POU6F2: variants seen among roughly 807,000 people sequenced by gnomAD.
The protein encoded by POU6F2 is POU domain, class 6, transcription factor 2.
Under a neutral mutation model 71.3 loss-of-function variants are expected in POU6F2, and 31 were observed. That is an observed-to-expected ratio of 0.43 (90% confidence interval 0.33 to 0.59). The LOEUF is 0.59. Ranked by LOEUF, POU6F2 falls within the 20% of genes least tolerant of loss-of-function variation. The pLI, the probability that POU6F2 is intolerant of heterozygous loss-of-function variation, is 0.04. For missense variants in POU6F2, 783 were observed against 856.8 expected (o/e 0.91, Z 1.07); for synonymous variants, 347 against 355.7 (o/e 0.98, Z 0.27).
intron 4 of POU6F2, among the ~76,000 whole-genome samples, chr7:39,235,985 C>T (rs1048558530): frequency 6.6e-6 from 1 of 152,180 alleles, no homozygotes; most frequent in African/African-American, 2.4e-5. Context: ...GATTACTGAA[C>T]AGGTGCGTCT....
intron 2 of POU6F2, among the ~76,000 whole-genome samples, chr7:39,113,222 C>T (rs1210569690): frequency 1.3e-5 from 2 of 151,974 alleles, no homozygotes; most frequent in African/African-American, 4.8e-5. Flanking sequence ...CTGTTTTTTT[C>T]GTTCTGTTTT....
intron 4 of POU6F2, among the ~76,000 whole-genome samples, chr7:39,296,622 T>G (rs1784849471): frequency 6.6e-6 from 1 of 152,202 alleles, no homozygotes; most frequent in South Asian, 2.1e-4. Context: ...GCTGGTGGTG[T>G]TCCCTCTGCC....
chr7:39,115,965 T>A (rs968595812), intron 2 of POU6F2, among the ~76,000 whole-genome samples: 25 of 152,212 alleles, frequency 1.6e-4, no homozygotes, highest in African/African-American at 5.8e-4. Context: ...AGTAAGAGAT[T>A]GTTCAGAGGT....
chr7:39,234,572 A>G (rs1223277861), intron 4 of POU6F2, among the ~76,000 whole-genome samples: 1 of 152,116 alleles, frequency 6.6e-6, no homozygotes, highest in Admixed American at 6.5e-5. Context: ...AAGGAACAAG[A>G]TCACAGTGTG....
chr7:39,024,620 C>G (rs1789758527), intron 1 of POU6F2, among the ~76,000 whole-genome samples: 1 of 152,062 alleles, frequency 6.6e-6, no homozygotes, highest in Non-Finnish European at 1.5e-5. Flanking sequence ...TTTGCCCATT[C>G]AGTATGATAT....
intron 1 of POU6F2, among the ~76,000 whole-genome samples, chr7:39,039,437 G>A (rs537828093): frequency 1.3e-5 from 2 of 152,002 alleles, no homozygotes; most frequent in South Asian, 2.1e-4. Flanking sequence ...GTACAGGTGA[G>A]CTCCTTTATG....
intron 2 of POU6F2, among the ~76,000 whole-genome samples, chr7:39,183,975 C>T (rs1275912749): frequency 1.3e-5 from 2 of 152,122 alleles, no homozygotes; most frequent in Non-Finnish European, 2.9e-5. Context: ...TCCAACATTC[C>T]AACCACCTGA....
chr7:39,170,090 C>T (rs1281704254), intron 2 of POU6F2, among the ~76,000 whole-genome samples: 3 of 152,074 alleles, frequency 2.0e-5, no homozygotes, highest in Non-Finnish European at 4.4e-5. Flanking sequence ...ATCGCTTGAA[C>T]CTGGGAGGTG....
chr7:39,367,785 T>A (rs1786533326), intron 5 of POU6F2, among the ~76,000 whole-genome samples: 1 of 152,234 alleles, frequency 6.6e-6, no homozygotes, highest in Non-Finnish European at 1.5e-5. Flanking sequence ...TCACTTTGTG[T>A]CTCTGTGTCA....
chr7:39,139,562 AC>A (rs1215133313), intron 2 of POU6F2, among the ~76,000 whole-genome samples: 1 of 151,924 alleles, frequency 6.6e-6, no homozygotes, highest in East Asian at 1.9e-4. Flanking sequence ...CAATCCTAAT[AC>A]TCTGGATGCT....
chr7:39,409,917 A>G (rs1787518027), intron 6 of POU6F2, among the ~76,000 whole-genome samples: 1 of 152,220 alleles, frequency 6.6e-6, no homozygotes. Context: ...ACCAGTAGTT[A>G]TTTTGAGCAA....
At chr7:39,386,189 G>T (rs1786940035) in intron 5 of POU6F2, among the ~76,000 whole-genome samples, 1 of 151,678 alleles carries the variant, frequency 6.6e-6, no homozygotes, top group Non-Finnish European at 1.5e-5. Context: ...CTTCCCCGTG[G>T]GGCTGCCAGA....
At chr7:39,209,506 C>T (rs1794096258) in intron 4 of POU6F2, among the ~76,000 whole-genome samples, 1 of 152,140 alleles carries the variant, frequency 6.6e-6, no homozygotes, top group Non-Finnish European at 1.5e-5. Context: ...AATAAATCAC[C>T]TCCCAGTTGC....
intron 4 of POU6F2, among the ~76,000 whole-genome samples, chr7:39,221,415 G>A (rs995525006): frequency 9.0e-6 from 1 of 111,642 alleles, no homozygotes; most frequent in Non-Finnish European, 1.7e-5. Context: ...TTTTGAGACA[G>A]TGTCTCGCTC....
At chr7:39,232,706 T>A (rs924859288) in intron 4 of POU6F2, among the ~76,000 whole-genome samples, 3 of 152,242 alleles carry the variant, frequency 2.0e-5, no homozygotes, top group Admixed American at 2.0e-4. Flanking sequence ...ACTCAACATA[T>A]CAAGCAAATA....
chr7:39,301,161 C>T (rs1157231618), intron 4 of POU6F2, among the ~76,000 whole-genome samples: 1 of 152,130 alleles, frequency 6.6e-6, no homozygotes, highest in Non-Finnish European at 1.5e-5. Flanking sequence ...CTTTTCTTTG[C>T]TATCCTGTAA....
intron 4 of POU6F2, among the ~76,000 whole-genome samples, chr7:39,245,034 T>C (rs1443550432): frequency 6.6e-6 from 1 of 152,228 alleles, no homozygotes; most frequent in African/African-American, 2.4e-5. Context: ...CCAAAGTCTA[T>C]AACCTTATAG....
intron 4 of POU6F2, among the ~76,000 whole-genome samples, chr7:39,286,472 A>C (rs1180511208): frequency 6.6e-6 from 1 of 152,204 alleles, no homozygotes; most frequent in African/African-American, 2.4e-5. Flanking sequence ...GGACAATGTA[A>C]AATGTTCGAG....
At chr7:39,310,525 T>C (rs1301216590) in intron 4 of POU6F2, among the ~76,000 whole-genome samples, 3 of 152,224 alleles carry the variant, frequency 2.0e-5, no homozygotes, top group African/African-American at 7.2e-5. Context: ...ACATTTGTCA[T>C]TGGTTTAAGT....
Sources: gnomAD v4.1 joint callset for allele counts (sites outside exome capture counted in the v4.1 genomes callset) on GRCh38, gnomAD v4.1.1 for gene constraint, MANE v1.5 for transcripts, NCBI Gene and HGNC (gene_info 2026-07-23, HGNC 2026-07-21) for gene names.